The following OSBPL9 variants were observed in gnomAD, a reference collection of about 807,000 sequenced individuals.
The protein encoded by OSBPL9 is oxysterol binding protein like 9, also known as oxysterol-binding protein-related protein 9.
OSBPL9 carries 40 observed loss-of-function variants against 106.6 expected under a neutral mutation model. That is an observed-to-expected ratio of 0.38 (90% CI 0.29 to 0.49). The LOEUF (loss-of-function observed/expected upper bound fraction) is 0.49. OSBPL9 is among the 20% of genes least tolerant of loss of function. The pLI is 0.97. For synonymous variants in OSBPL9, 269 were observed against 295.4 expected (o/e 0.91, Z 0.92); for missense variants, 609 against 887.2 (o/e 0.69, Z 3.98).
chr1:51,714,365 A>G (rs756899325), intron 4 of OSBPL9, among the ~76,000 whole-genome samples: 1 of 152,254 alleles, frequency 6.6e-6, no homozygotes, highest in Non-Finnish European at 1.5e-5. Context: ...TAAGAATTTA[A>G]TATCTGTAGT....
At chr1:51,550,149 T>C in the OSBPL9 span, among the ~76,000 whole-genome samples, 1 of 152,222 alleles carries the variant, frequency 6.6e-6, no homozygotes, top group African/African-American at 2.4e-5. Context: ...ATAAGAATGG[T>C]ATCCTCTACA....
intron 1 of OSBPL9, among the ~76,000 whole-genome samples, chr1:51,640,352 C>T (rs1645709218): frequency 6.6e-6 from 1 of 152,094 alleles, no homozygotes. Context: ...GTTTTTAGTA[C>T]TTAGTATGTG....
chr1:51,589,263 A>G (rs2148600879), intron 1 of OSBPL9, among the ~76,000 whole-genome samples: 1 of 151,970 alleles, frequency 6.6e-6, no homozygotes, highest in East Asian at 1.9e-4. Flanking sequence ...TAATTTTTGT[A>G]TTTTTTGTAG....
chr1:51,662,951 A>T (rs531038969), intron 2 of OSBPL9, among the ~76,000 whole-genome samples: 1 of 151,890 alleles, frequency 6.6e-6, no homozygotes, highest in African/African-American at 2.4e-5. Context: ...TCACCGTGTT[A>T]GCCAGGATGG....
intron 10 of OSBPL9, among the ~76,000 whole-genome samples, chr1:51,761,207 G>C (rs867729185): frequency 6.6e-6 from 1 of 151,592 alleles, no homozygotes; most frequent in Non-Finnish European, 1.5e-5. Flanking sequence ...AAAGTGAAGA[G>C]GGAAATTTAT....
chr1:51,787,949 G>A lies in OSBPL9; in HGVS notation c.*160G>A. The A allele has an allele frequency of 1.6e-6, 1 of 617,798 alleles. No homozygotes were observed. Among genetic ancestry groups the A allele is most frequent in the Non-Finnish European group, 2.8e-6 (1 of 363,346 alleles). The allele number at this position is 617,798 out of a possible 1,614,324, so 38.3% of individuals were successfully genotyped here. A position where few individuals can be genotyped will look rare whatever the true frequency, so the allele number is the denominator to read the frequency against. On this transcript the variant is annotated 3_prime_UTR_variant, in exon 24 of 24. Transcript: ENST00000428468. ...TTTCTGACGCAGATGAACAATTAAG[G>A]GGAAAAGCTTCCCTTTTCCCTCTGT...
the OSBPL9 span, among the ~76,000 whole-genome samples, chr1:51,571,471 G>C: frequency 6.6e-6 from 1 of 152,234 alleles, no homozygotes; most frequent in East Asian, 1.9e-4. Flanking sequence ...TTTAAGACCA[G>C]CATGGGCAAC....
At chr1:51,621,511 A>G (rs1286855711) in intron 1 of OSBPL9, among the ~76,000 whole-genome samples, 1 of 152,084 alleles carries the variant, frequency 6.6e-6, no homozygotes, top group African/African-American at 2.4e-5. Flanking sequence ...GTCTCAAAAA[A>G]AAAAAAAAAA....
At chr1:51,609,239 T>C (rs1172525976) in intron 2 of OSBPL9, among the ~76,000 whole-genome samples, 3 of 152,128 alleles carry the variant, frequency 2.0e-5, no homozygotes, top group African/African-American at 7.2e-5. Flanking sequence ...CTTTTTCCTC[T>C]TCTTTAAATT....
At position 51,713,933 on chromosome 1, in the gene OSBPL9, G is replaced by A. The variant is rs141434368; in HGVS notation, c.242-70G>A. 818 of 1,222,040 alleles carry A rather than the reference G, an allele frequency of 6.7e-4. 6 individuals carry two copies. The African/African-American group carries it at 0.011, about 17-fold the overall frequency. 75.7% of individuals were successfully genotyped at this position (1,222,040 alleles called of 1,614,324 possible). On this transcript the variant is annotated intron_variant, in intron 3 of 23. Transcript: ENST00000428468. The stretch of plus-strand genomic sequence containing the variant: ...CTGTTAGCCATCATAGTTTTAAAAT[G>A]ATATTTTCAAATATGGAGATATATT...
At chr1:51,709,497 G>A (rs980486135) in intron 3 of OSBPL9, 9 of 152,734 alleles carry the variant, frequency 5.9e-5, no homozygotes, top group African/African-American at 2.2e-4. Flanking sequence ...GGCAGCCAAC[G>A]TTGGGAAATT....
At position 51,680,909 on chromosome 1, in the gene OSBPL9, A is replaced by G. The variant is rs148403166; in HGVS notation, c.241+11397A>G. Among the ~76,000 whole-genome samples, 868 of 152,222 alleles carry G rather than the reference A, an allele frequency of 5.7e-3. 2 individuals carry two copies. The highest frequency in any genetic ancestry group is 0.02 in the African/African-American group (823 of 41,548). ...CAATTGCGTTTACTCTTCTGTTTTCATCACACCCCTCATCAGCACTTAGTA... is the reference window on the plus strand; with the variant it reads ...CAATTGCGTTTACTCTTCTGTTTTCGTCACACCCCTCATCAGCACTTAGTA... On this transcript the variant is annotated intron_variant, in intron 3 of 23. Coordinates refer to ENST00000428468, the MANE Select transcript of OSBPL9 (RefSeq NM_024586.6).
chr1:51,613,098 C>A (rs1048298698), upstream of OSBPL9, among the ~76,000 whole-genome samples: 2 of 152,144 alleles, frequency 1.3e-5, no homozygotes, highest in African/African-American at 4.8e-5. Flanking sequence ...TAATTCAGAT[C>A]AAACAATAAT....
At chr1:51,609,450 C>T (rs953894734) in intron 2 of OSBPL9, among the ~76,000 whole-genome samples, 1 of 151,126 alleles carries the variant, frequency 6.6e-6, no homozygotes, top group African/African-American at 2.4e-5. Context: ...CTCAAGAGCT[C>T]CTCCAATTTC....
chr1:51,753,885 C>A (rs1399645551), intron 8 of OSBPL9, among the ~76,000 whole-genome samples: 2 of 152,120 alleles, frequency 1.3e-5, no homozygotes, highest in Non-Finnish European at 2.9e-5. Context: ...TGTTATAATT[C>A]TGTTGTGTGG....
Position 51,664,265 on chromosome 1 carries a change from G to C in OSBPL9, c.163-5169G>C, listed in dbSNP as rs192587734. ...TTGATAATTGTGGGTCTATACAGAG[G>C]AATGATATATATAGCAATAAAAGTG... is the stretch of plus-strand genomic sequence containing the variant. On this transcript the variant is annotated intron_variant, in intron 2 of 23. Transcript: ENST00000428468. Among the ~76,000 whole-genome samples the C allele has an allele frequency of 7.8e-4, 119 of 152,272 alleles. 1 individual carries two copies. The highest frequency in any genetic ancestry group is 5.8e-3 in the Admixed American group (89 of 15,296).
At chr1:51,632,578 G>C (rs1645174527) in intron 1 of OSBPL9, among the ~76,000 whole-genome samples, 1 of 152,148 alleles carries the variant, frequency 6.6e-6, no homozygotes, top group Non-Finnish European at 1.5e-5. Flanking sequence ...TTTCTGCAGA[G>C]GCCTTTGTAA....
At chr1:51,613,353 GT>G (rs1644002681), upstream of OSBPL9, among the ~76,000 whole-genome samples, 1 of 152,202 alleles carries the variant, frequency 6.6e-6, no homozygotes, top group African/African-American at 2.4e-5. Flanking sequence ...TGTATAGTGT[GT>G]TTTGAGGAGG....
At chr1:51,628,873 G>A (rs979777672) in intron 1 of OSBPL9, among the ~76,000 whole-genome samples, 8 of 151,662 alleles carry the variant, frequency 5.3e-5, no homozygotes, top group East Asian at 3.9e-4. Flanking sequence ...TAGTACAGAC[G>A]TGGTTTCACC....
Sources: gnomAD v4.1 joint callset for allele counts (sites outside exome capture counted in the v4.1 genomes callset) on GRCh38, gnomAD v4.1.1 for gene constraint, MANE v1.5 for transcripts, NCBI Gene and HGNC (gene_info 2026-07-23, HGNC 2026-07-21) for gene names.